The following NOTCH3 variants were observed in gnomAD, a reference collection of about 807,000 sequenced individuals.
NOTCH3 encodes notch receptor 3, also known as neurogenic locus notch homolog protein 3.
In NOTCH3, 86 loss-of-function variants were observed where a neutral mutation model predicts 213.3. The ratio of observed to expected loss-of-function variants is 0.40; its 90% CI spans 0.34 to 0.48. NOTCH3 has a LOEUF of 0.48. NOTCH3 is among the 20% of genes least tolerant of loss of function. The pLI is 0.57. For missense variants in NOTCH3, 2,783 were observed against 3,272.6 expected (o/e 0.85, Z 3.65); for synonymous variants, 1,354 against 1,355.9 (o/e 1.00, Z 0.03).
intron 24 of NOTCH3, among the ~76,000 whole-genome samples, chr19:15,175,613 A>T (rs954365596): frequency 1.8e-5 from 2 of 110,958 alleles, no homozygotes; most frequent in Non-Finnish European, 3.7e-5. Flanking sequence ...ACACACACAC[A>T]CGCACGCACA....
Position 15,180,285 on chromosome 19 carries a change from G to A in NOTCH3, c.3143-29C>T, listed in dbSNP as rs137943075. 15,645 of 1,611,676 alleles carry A rather than the reference G, an allele frequency of 9.7e-3. 194 individuals are homozygous for A. The highest frequency in any genetic ancestry group is 0.062 in the East Asian group (2,772 of 44,868). On this transcript the variant is annotated intron_variant, in intron 19 of 32. Transcript: ENST00000263388. ...CAAAGAGGAGAGTGGCACAGGAACA[G>A]AGGTAACCCCATACATCCCCCTTCT...
chr19:15,175,590 T>TATACACAC (rs150169616), intron 24 of NOTCH3, among the ~76,000 whole-genome samples: 42 of 107,168 alleles, frequency 3.9e-4, no homozygotes, highest in Non-Finnish European at 5.0e-4. Context: ...TATATGTATA[T>TATACACAC]ACACACACAC....
intron 1 of NOTCH3, among the ~76,000 whole-genome samples, chr19:15,198,859 C>T (rs1239800731): frequency 6.6e-6 from 1 of 151,786 alleles, no homozygotes; most frequent in Non-Finnish European, 1.5e-5. Context: ...TGCAGTGACC[C>T]GAGATTGCGC....
At chr19:15,161,748 C>T (rs1361123193) in intron 32 of NOTCH3, 34 bp from the exon 33 acceptor site, 1 of 1,595,562 alleles carries the variant, frequency 6.3e-7, no homozygotes, top group East Asian at 2.2e-5. Context: ...GTCAGCGAAA[C>T]CCCAGCTAAC....
chr19:15,184,494 G>C (rs140519969), intron 15 of NOTCH3, 44 bp from the exon 16 acceptor site: 12 of 1,598,414 alleles, frequency 7.5e-6, no homozygotes, highest in Non-Finnish European at 9.4e-6. Flanking sequence ...ACAGGGTACA[G>C]AGCAGGGTCT....
rs1418535545 is a variant in NOTCH3, at chr19:15,185,941, C to G, written c.1952-262G>C. 6.6e-6 allele frequency among the ~76,000 whole-genome samples: 1 copy of G among 152,136 alleles called. No individual in the cohort carries two copies. The highest frequency in any genetic ancestry group is 2.4e-5 in the African/African-American group (1 of 41,438). ...TTATTTTTTGAGATGGGGTCTCACT[C>G]TGTCGCCCGGGCTGGACTGCAGTGG... On this transcript the variant is annotated intron_variant, in intron 12 of 32. Transcript: ENST00000263388. This position sits in a 1 kb window ranked among gnomAD's most constrained non-coding sequence, Gnocchi z 4.2.
rs10422818 is a variant in NOTCH3, at chr19:15,174,461, T to C, written c.4404-61A>G. On this transcript the variant is annotated intron_variant, in intron 24 of 32. Transcript: ENST00000263388. Reference sequence around the variant, plus strand: ...CAGGGGTCAGAGGAGACAATCCCCTTCCATGCATTCACACCGTAGAGTACA... The same window carrying C: ...CAGGGGTCAGAGGAGACAATCCCCTCCCATGCATTCACACCGTAGAGTACA... 0.89 allele frequency: 1,117,494 copies of C among 1,255,886 alleles called. 498,319 individuals are homozygous for C. The highest frequency in any genetic ancestry group is 0.92 in the African/African-American group (61,637 of 67,232). 77.8% of individuals were successfully genotyped at this position (1,255,886 alleles called of 1,614,324 possible). A position where few individuals can be genotyped will look rare whatever the true frequency, so the allele number is the denominator to read the frequency against.
At chr19:15,173,648 G>T (rs1465315099) in intron 25 of NOTCH3, among the ~76,000 whole-genome samples, 1 of 151,128 alleles carries the variant, frequency 6.6e-6, no homozygotes, top group African/African-American at 2.4e-5. Context: ...AGAATTGCTT[G>T]AACCCAGGAG....
At position 15,167,325 on chromosome 19, in the gene NOTCH3, C is replaced by A. The variant is rs370274356; in HGVS notation, c.5286G>T (p.Val1762=). The change falls in exon 29 of 33, where the codon GTG becomes GTT. Residue 1762 remains valine, a synonymous_variant. Coordinates refer to ENST00000263388, the MANE Select transcript of NOTCH3 (RefSeq NM_000435.3). ...GTGGTGTCAGTGCCATGGCTGGTGC[C>A]ACGCGGATGTCAGCAGCAACCAGAT... is the stretch of plus-strand genomic sequence containing the variant. ...QHHLVAADIR[V]APAMALTPPQ... The A allele has an allele frequency of 6.8e-6, 11 of 1,613,248 alleles. No homozygotes were observed. The highest frequency in any genetic ancestry group is 8.5e-6 in the Non-Finnish European group (10 of 1,180,002).
intron 10 of NOTCH3, 133 bp from the exon 11 acceptor site, chr19:15,187,471 GCCCCACC>G (rs1304000603): frequency 1.1e-5 from 7 of 653,410 alleles, no homozygotes; most frequent in African/African-American, 3.8e-5. Context: ...CTCAATACAG[GCCCCACC>G]CCCCACCCCC....
In NOTCH3 at chr19:15,177,546, C is replaced by T. The variant is rs2046802024; in HGVS notation, c.4382G>A (p.Gly1461Asp). ...CLYDNFDCHA[G>D]GRERTCNPVY... ...TCACTTGCAAGTGCGCTCGCGGCCA[C>T]CGGCGTGGCAGTCGAAGTTGTCGTA... The change falls in exon 24 of 33, where the codon GGT (glycine) becomes GAT (aspartate). Residue 1461 changes from glycine (G) to aspartate (D), a missense_variant. Gly to Asp is a moderately conservative substitution (Grantham distance 94, BLOSUM62 -1). Around this residue, in one of 6 missense-constraint regions of NOTCH3, gnomAD observed 636 missense variants for 801.8 expected, o/e 0.79. Coordinates refer to ENST00000263388, the MANE Select transcript of NOTCH3 (RefSeq NM_000435.3). 1 of 1,610,398 alleles carries T rather than the reference C, an allele frequency of 6.2e-7. No homozygotes were observed. The highest frequency in any genetic ancestry group is 8.5e-7 in the Non-Finnish European group (1 of 1,178,918).
At chr19:15,189,963 C>A (rs1412501491) in intron 6 of NOTCH3, among the ~76,000 whole-genome samples, 1 of 152,154 alleles carries the variant, frequency 6.6e-6, no homozygotes. Flanking sequence ...TACCAATCTT[C>A]TTTTCTAAAC....
intron 2 of NOTCH3, among the ~76,000 whole-genome samples, chr19:15,195,878 C>T (rs532651742): frequency 6.6e-6 from 1 of 151,748 alleles, no homozygotes; most frequent in South Asian, 2.1e-4. Flanking sequence ...CCCCAGCCCG[C>T]GCCCCGCCCC....
intron 18 of NOTCH3, 56 bp downstream of exon 18, chr19:15,180,890 CCCCGACTTGGCTTCT>C: frequency 6.3e-7 from 1 of 1,598,244 alleles, no homozygotes; most frequent in South Asian, 1.1e-5. Context: ...AGAAACTGTG[CCCCGACTTGGCTTCT>C]CCCTCCTAGG....
intron 24 of NOTCH3, among the ~76,000 whole-genome samples, chr19:15,176,552 AG>A (rs1224703970): frequency 6.6e-6 from 1 of 152,004 alleles, no homozygotes; most frequent in Non-Finnish European, 1.5e-5. Flanking sequence ...CTTTGAGCTC[AG>A]GTGTTCAAGA....
rs1261238657 is a variant in NOTCH3, at chr19:15,167,348, G to A, written c.5263C>T (p.Leu1755=). ...GCCACGCGGATGTCAGCAGCAACCA[G>A]ATGGTGTTGAGTCCACTGACGGCAA... ...VDCRQWTQHH[L]VAADIRVAPA... is the part of the protein sequence containing the mutation. The change falls in exon 29 of 33, where the codon CTG becomes TTG. Residue 1755 remains leucine (L), a synonymous_variant. Coordinates refer to ENST00000263388, the MANE Select transcript of NOTCH3 (RefSeq NM_000435.3). 6.2e-7 allele frequency: 1 copy of A among 1,612,548 alleles called. No homozygotes were observed. The highest frequency in any genetic ancestry group is 1.1e-5 in the South Asian group (1 of 91,078).
In NOTCH3 at chr19:15,177,944, C is replaced by G. The variant is rs1030919388; in HGVS notation, c.3984G>C (p.Pro1328=). The part of the protein sequence containing the change: ...GLSGPSCRSF[P]GSPPGASNAS... ...CGTTGCTGGCCCCCGGCGGCGACCC[C>G]GGGAAGCTGCGGCAGGAGGGTCCCG... is the stretch of plus-strand genomic sequence containing the variant. The change falls in exon 24 of 33, where the codon CCG becomes CCC. Residue 1328 remains proline, a synonymous_variant. Coordinates refer to ENST00000263388, the MANE Select transcript of NOTCH3 (RefSeq NM_000435.3). 4 of 1,307,892 alleles carry G rather than the reference C, an allele frequency of 3.1e-6. No individual in the cohort carries two copies. Among genetic ancestry groups the G allele is most frequent in the Non-Finnish European group, 3.9e-6 (4 of 1,031,770 alleles). 81.0% of individuals were successfully genotyped at this position (1,307,892 alleles called of 1,614,324 possible).
chr19:15,195,489 G>C (rs1419920050), intron 2 of NOTCH3, among the ~76,000 whole-genome samples: 1 of 149,138 alleles, frequency 6.7e-6, no homozygotes, highest in Non-Finnish European at 1.5e-5. Flanking sequence ...TCCGCCCCTG[G>C]CGCGGTTGTC....
intron 15 of NOTCH3, among the ~76,000 whole-genome samples, 164 bp from the exon 16 acceptor site, chr19:15,184,614 G>A (rs910033227): frequency 6.6e-6 from 1 of 152,134 alleles, no homozygotes; most frequent in African/African-American, 2.4e-5. Flanking sequence ...CAGAATGGCC[G>A]TCTCCCTGTC....
Sources: gnomAD v4.1 joint callset for allele counts (sites outside exome capture counted in the v4.1 genomes callset) on GRCh38, gnomAD v4.1.1 for gene constraint, gnomAD v4.1.1 regional missense constraint, Gnocchi (gnomAD v3.1) non-coding constraint, MANE v1.5 for transcripts, NCBI Gene and HGNC (gene_info 2026-07-23, HGNC 2026-07-21) for gene names.